The following PCNT variants were observed in gnomAD, a reference collection of about 807,000 sequenced individuals.
PCNT encodes the protein kendrin.
A neutral mutation model predicts 380.4 loss-of-function variants in PCNT; 319 were observed. The ratio of observed to expected loss-of-function variants is 0.84; its 90% CI spans 0.77 to 0.92. The LOEUF (loss-of-function observed/expected upper bound fraction) is 0.92, where lower values mean the gene tolerates loss of function less well. Among genes scored for constraint, PCNT ranks in the 40% least tolerant of loss-of-function variants. The probability of loss-of-function intolerance (pLI) is 0.00; values close to 1 mark genes in which losing one functional copy is unlikely to be tolerated. For synonymous variants in PCNT, 1,845 were observed against 1,735.2 expected (o/e 1.06, Z -1.57); for missense variants, 4,400 against 4,255.3 (o/e 1.03, Z -0.95).
chr21:46,359,069 A>G (rs2084589682), intron 13 of PCNT, among the ~76,000 whole-genome samples: 1 of 151,968 alleles, frequency 6.6e-6, no homozygotes, highest in African/African-American at 2.4e-5. Context: ...CAGCCTCCCA[A>G]AGTGTTGGGA....
At chr21:46,389,108 G>C in intron 18 of PCNT, 91 bp from the exon 19 acceptor site, 1 of 1,390,202 alleles carries the variant, frequency 7.2e-7, no homozygotes, top group East Asian at 2.4e-5. Context: ...GCGACGTTCT[G>C]AGTTCTGTGG....
At chr21:46,374,066 G>T (rs1569217061) in intron 15 of PCNT, among the ~76,000 whole-genome samples, 1 of 152,114 alleles carries the variant, frequency 6.6e-6, no homozygotes, top group Non-Finnish European at 1.5e-5. Context: ...TGGTGTAGCT[G>T]ATTTCACAGA....
chr21:46,410,680 T>C (rs2086756972), intron 27 of PCNT, among the ~76,000 whole-genome samples: 1 of 152,198 alleles, frequency 6.6e-6, no homozygotes, highest in Non-Finnish European at 1.5e-5. Flanking sequence ...CGATGCCTGG[T>C]GTCACCGAGT....
At chr21:46,383,456 G>C (rs2085670953) in intron 16 of PCNT, among the ~76,000 whole-genome samples, 1 of 145,230 alleles carries the variant, frequency 6.9e-6, no homozygotes, top group Non-Finnish European at 1.5e-5. Flanking sequence ...TGTGCGTTCA[G>C]TGGCAGAAGC....
chr21:46,381,758 G>A lies in PCNT; in HGVS notation c.3230G>A (p.Ser1077Asn). The A allele has an allele frequency of 1.2e-6, 2 of 1,614,192 alleles. No individual in the cohort carries two copies. The highest frequency in any genetic ancestry group is 1.7e-6 in the Non-Finnish European group (2 of 1,179,984). The change falls in exon 16 of 47, where the codon AGT (serine) becomes AAT (asparagine). Residue 1077 changes from serine (S) to asparagine (N), a missense_variant. Ser to Asn is a conservative substitution (Grantham distance 46, BLOSUM62 1). Coordinates refer to ENST00000359568, the MANE Select transcript of PCNT (RefSeq NM_006031.6). ...HEKEETLRLQ[S>N]AQAQPFHQEE... ...AAAGAGGAGACACTTCGGCTTCAGA[G>A]TGCACAGGCACAGCCTTTTCACCAA...
At chr21:46,399,493 C>G in intron 24 of PCNT, 97 bp from the exon 25 acceptor site, 1 of 884,700 alleles carries the variant, frequency 1.1e-6, no homozygotes, top group East Asian at 2.6e-5. Flanking sequence ...CATAGGGCAT[C>G]TATTTTGTCT....
At chr21:46,342,684 G>T (rs139961524) in intron 3 of PCNT, among the ~76,000 whole-genome samples, 24 of 152,176 alleles carry the variant, frequency 1.6e-4, no homozygotes, top group African/African-American at 5.5e-4. Flanking sequence ...GGGAATACAG[G>T]CATGTGCCAC....
At position 46,356,509 on chromosome 21, in the gene PCNT, A is replaced by G. The variant is rs531771308; in HGVS notation, c.1937-465A>G. On this transcript the variant is annotated intron_variant, in intron 12 of 46. Transcript: ENST00000359568. ...GAAGAAGAGATGGGCCAGTGGGGGT[A>G]GCGTGCCTGGGCACAGAACAGCAGG... Among the ~76,000 whole-genome samples the G allele has an allele frequency of 5.3e-5, 8 of 152,332 alleles. No individual in the cohort carries two copies. The South Asian group carries it at 1.7e-3, about 32-fold the overall frequency.
rs1013539612 is a variant in PCNT at position 46,425,247 on chromosome 21, G to A, written c.7180-584G>A. Among the ~76,000 whole-genome samples the A allele has an allele frequency of 6.6e-6, 1 of 152,148 alleles. No homozygotes were observed. Among genetic ancestry groups the A allele is most frequent in the Admixed American group, 6.5e-5 (1 of 15,280 alleles). ...TCCGGACACCAGCTGCTGCGTAATC[G>A]GTGGGATAAAGCAGCCGCCTCGTGT... On this transcript the variant is annotated intron_variant, in intron 32 of 46. Transcript: ENST00000359568. The surrounding 1 kb of genome is among the most constrained non-coding windows in gnomAD (Gnocchi z 4.2).
In PCNT at chr21:46,346,779, A is replaced by G. The variant is rs778769432; in HGVS notation, c.757A>G (p.Ser253Gly). The G allele has an allele frequency of 1.3e-6, 2 of 1,599,194 alleles. No homozygotes were observed. Among genetic ancestry groups the G allele is most frequent in the African/African-American group, 2.7e-5 (2 of 74,812 alleles). Residue 253 changes from serine (S) to glycine (G), a missense_variant, in exon 5 of 47, where the codon AGT becomes GGT. By Grantham distance (56) the Ser-to-Gly change is moderately conservative. Coordinates refer to ENST00000359568, the MANE Select transcript of PCNT (RefSeq NM_006031.6). Reference protein sequence around the residue: ...HGLELEALRLSLSNMHTAQLE... With the variant: ...HGLELEALRLGLSNMHTAQLE... ...CCTTGAGCTGGAGGCGCTGCGCCTG[A>G]GTCTGAGCAACATGCACACGGCGCA...
chr21:46,414,910 C>G (rs1017988447), intron 29 of PCNT, among the ~76,000 whole-genome samples: 1 of 152,238 alleles, frequency 6.6e-6, no homozygotes, highest in African/African-American at 2.4e-5. Context: ...CCTCCCCCTC[C>G]TCCCTGCTGT....
At chr21:46,380,406 C>T (rs911915840) in intron 15 of PCNT, among the ~76,000 whole-genome samples, 5 of 151,848 alleles carry the variant, frequency 3.3e-5, no homozygotes, top group Admixed American at 6.6e-5. Flanking sequence ...GTGATCTGCC[C>T]GCCTTGACTT....
intron 15 of PCNT, among the ~76,000 whole-genome samples, chr21:46,378,854 G>T (rs1055273687): frequency 3.3e-5 from 5 of 152,106 alleles, no homozygotes; most frequent in Non-Finnish European, 5.9e-5. Context: ...TGCTCATATT[G>T]TCGTACCAAC....
chr21:46,332,708 C>T (rs750885739), intron 2 of PCNT, among the ~76,000 whole-genome samples: 2 of 152,224 alleles, frequency 1.3e-5, no homozygotes, highest in Non-Finnish European at 2.9e-5. Context: ...GGTGCTCTCT[C>T]TCTGCATTCA....
chr21:46,353,690 TTGG>T (rs1162950179), intron 10 of PCNT, among the ~76,000 whole-genome samples: 2 of 150,688 alleles, frequency 1.3e-5, no homozygotes, highest in African/African-American at 4.9e-5. Context: ...TGTGTGTGTG[TTGG>T]TGGCAGGGGC....
At position 46,413,325 on chromosome 21, in the gene PCNT, G is replaced by A. The variant is rs1359621205; in HGVS notation, c.6150+333G>A. On this transcript the variant is annotated intron_variant, in intron 29 of 46. Transcript: ENST00000359568. ...AACGGGGAAGGCACGAGGCCCACCC[G>A]GGAGAGGCTGGACACGCGGCAGCAA... Among the ~76,000 whole-genome samples, 3 of 76,550 alleles carry A rather than the reference G, an allele frequency of 3.9e-5. 1 individual carries two copies. Among genetic ancestry groups the A allele is most frequent in the Admixed American group, 1.2e-4 (1 of 8,542 alleles). 50.2% of individuals were successfully genotyped at this position (76,550 alleles called of 152,430 possible).
rs779416822 is a variant in PCNT, at chr21:46,411,196, A to G, written c.5123A>G (p.Tyr1708Cys). The stretch of plus-strand genomic sequence containing the variant: ...AATGTCCTCTCTCTTCAGGTCATAT[A>G]TACCAGAAGTTCTGAGATTGAAGAG... ...EEENTSLKVIYTRSSEIEELK... is the reference protein window; with the variant it reads ...EEENTSLKVICTRSSEIEELK... The change falls in exon 28 of 47, where the codon TAT (tyrosine) becomes TGT (cysteine). Residue 1708 changes from tyrosine to cysteine, a missense_variant. Tyr to Cys is a radical substitution (Grantham distance 194). Transcript: ENST00000359568. The G allele has an allele frequency of 5.6e-6, 9 of 1,613,646 alleles. No homozygotes were observed. The East Asian group carries it at 6.7e-5, about 12-fold the overall frequency.
intron 27 of PCNT, among the ~76,000 whole-genome samples, chr21:46,403,866 ACGCGG>A (rs1371258651): frequency 3.8e-4 from 52 of 137,988 alleles, no homozygotes; most frequent in African/African-American, 1.1e-3. Flanking sequence ...TGTGGTGCCC[ACGCGG>A]CGTGTGCTCG....
chr21:46,441,058 C>T lies in PCNT; in HGVS notation c.9597C>T (p.Ala3199=), dbSNP rs780802031. Residue 3199 remains alanine, a synonymous_variant, in exon 43 of 47, where the codon GCC becomes GCT. Coordinates refer to ENST00000359568, the MANE Select transcript of PCNT (RefSeq NM_006031.6). ...TSRPFTRFRT[A]VRVVIAILRL... ...GTCCTTTCACCAGGTTCCGCACGGC[C>T]GTCAGGGTGGTCATTGCAATATTAA... 4.3e-6 allele frequency: 7 copies of T among 1,613,464 alleles called. No homozygotes were observed. The East Asian group carries it at 1.1e-4, about 26-fold the overall frequency.
Sources: gnomAD v4.1 joint callset for allele counts (sites outside exome capture counted in the v4.1 genomes callset) on GRCh38, gnomAD v4.1.1 for gene constraint, Gnocchi (gnomAD v3.1) non-coding constraint, MANE v1.5 for transcripts, NCBI Gene and HGNC (gene_info 2026-07-23, HGNC 2026-07-21) for gene names.